Variants in TMEM108 observed in about 807,000 individuals in gnomAD.
The protein encoded by TMEM108 is transmembrane protein 108, also known as cancer/testis antigen 124.
Under a neutral mutation model 35.1 loss-of-function variants are expected in TMEM108, and 12 were observed. The ratio of observed to expected loss-of-function variants is 0.34; its 90% confidence interval spans 0.22 to 0.55. The LOEUF (loss-of-function observed/expected upper bound fraction) is 0.55. TMEM108 is among the 20% of genes least tolerant of loss of function. The pLI is 0.89. For missense variants in TMEM108, 680 were observed against 753.3 expected (o/e 0.90, Z 1.14); for synonymous variants, 287 against 308.6 (o/e 0.93, Z 0.73).
chr3:133,092,459 A>C (rs1943960424), intron 2 of TMEM108, among the ~76,000 whole-genome samples: 1 of 149,814 alleles, frequency 6.7e-6, no homozygotes, highest in African/African-American at 2.4e-5. Flanking sequence ...TTAAAATATT[A>C]TAATAACTCA....
intron 3 of TMEM108, among the ~76,000 whole-genome samples, chr3:133,241,302 T>C (rs1410408879): frequency 6.6e-6 from 1 of 152,254 alleles, no homozygotes; most frequent in African/African-American, 2.4e-5. Context: ...TTGCAGCATC[T>C]TCTTTCTTTT....
intron 2 of TMEM108, among the ~76,000 whole-genome samples, chr3:133,171,297 A>G (rs544590024): frequency 9.8e-4 from 149 of 152,326 alleles, no homozygotes; most frequent in Middle Eastern, 3.4e-3. Context: ...AATAATATAA[A>G]CAAGTTTTAT....
chr3:133,226,616 C>T (rs6791152), intron 2 of TMEM108, among the ~76,000 whole-genome samples: 67,880 of 151,874 alleles, frequency 0.45, 16,424 homozygotes, highest in African/African-American at 0.65. Context: ...CCCCACTTCC[C>T]ATCATGGCCT....
At chr3:133,323,902 G>A (rs535608888) in intron 3 of TMEM108, among the ~76,000 whole-genome samples, 2 of 152,166 alleles carry the variant, frequency 1.3e-5, no homozygotes, top group South Asian at 2.1e-4. Context: ...CTTCAACACA[G>A]CAAACAAAAA....
intron 2 of TMEM108, among the ~76,000 whole-genome samples, 167 bp downstream of exon 2, chr3:133,046,187 T>C (rs765717526): frequency 1.1e-4 from 17 of 152,306 alleles, no homozygotes; most frequent in East Asian, 1.9e-4. Flanking sequence ...TCAGCAGTTA[T>C]GAAGAGAAAA....
In TMEM108 at chr3:133,251,058, A is replaced by G. The variant is rs953243782; in HGVS notation, c.40+21707A>G. Among the ~76,000 whole-genome samples, 3 of 152,298 alleles carry G rather than the reference A, an allele frequency of 2.0e-5. No individual in the cohort carries two copies. In the East Asian group the frequency reaches 5.8e-4, roughly 29 times the overall value. On this transcript the variant is annotated intron_variant, in intron 3 of 5. Transcript: ENST00000321871. ...TTTGACTCATATAGCTTTGCTGGGT[A>G]GTCTGGGCTGGTGAACTTTCCTAGG...
intron 3 of TMEM108, among the ~76,000 whole-genome samples, chr3:133,359,979 T>C (rs77109395): frequency 1.4e-3 from 187 of 136,070 alleles, no homozygotes; most frequent in African/African-American, 5.0e-3. Context: ...ATTGGTCATA[T>C]CCCTGTAATG....
chr3:133,379,632 T>C, intron 3 of TMEM108, 120 bp from the exon 4 acceptor site: 1 of 982,420 alleles, frequency 1.0e-6, no homozygotes, highest in Non-Finnish European at 1.5e-6. Flanking sequence ...TAGTGTGGGC[T>C]CAGGAATGCT....
At chr3:133,046,179 A>G (rs545352385) in intron 2 of TMEM108, among the ~76,000 whole-genome samples, 159 bp downstream of exon 2, 1 of 152,364 alleles carries the variant, frequency 6.6e-6, no homozygotes, top group East Asian at 1.9e-4. Context: ...CATGCAAATC[A>G]GCAGTTATGA....
chr3:133,299,482 G>A (rs1290813522), intron 3 of TMEM108, among the ~76,000 whole-genome samples: 4 of 152,206 alleles, frequency 2.6e-5, no homozygotes, highest in Middle Eastern at 3.4e-3. Context: ...TGTTTGCATG[G>A]CAAGCATAGG....
At chr3:133,291,548 G>A (rs1947069188) in intron 3 of TMEM108, among the ~76,000 whole-genome samples, 1 of 152,064 alleles carries the variant, frequency 6.6e-6, no homozygotes, top group African/African-American at 2.4e-5. Flanking sequence ...AAAGTGCTGG[G>A]ATTACAGGCG....
intron 3 of TMEM108, chr3:133,247,738 TTTTATA>T (rs1946407770): frequency 6.6e-6 from 1 of 152,164 alleles, no homozygotes; most frequent in African/African-American, 2.4e-5. Context: ...TTCAACACAC[TTTTATA>T]AAGAATCTAC....
At chr3:133,326,791 T>C (rs900034466) in intron 3 of TMEM108, among the ~76,000 whole-genome samples, 2 of 152,210 alleles carry the variant, frequency 1.3e-5, no homozygotes, top group Admixed American at 1.3e-4. Context: ...TCTGTCTTCA[T>C]CGATTACTAA....
At chr3:133,168,780 C>T (rs1945083213) in intron 2 of TMEM108, among the ~76,000 whole-genome samples, 1 of 152,192 alleles carries the variant, frequency 6.6e-6, no homozygotes, top group South Asian at 2.1e-4. Context: ...ATTGCTGCTG[C>T]TCACTCTTTG....
At position 133,272,074 on chromosome 3, in the gene TMEM108, A is replaced by C. The variant is rs554551945; in HGVS notation, c.40+42723A>C. On this transcript the variant is annotated intron_variant, in intron 3 of 5. Transcript: ENST00000321871. ...GGCCTCTTAGAGGAGTTAACAGCTGAGCTTTGTGCCTCACAGTTTCCTTAA... is the reference window on the plus strand; with the variant it reads ...GGCCTCTTAGAGGAGTTAACAGCTGCGCTTTGTGCCTCACAGTTTCCTTAA... Among the ~76,000 whole-genome samples the C allele has an allele frequency of 5.3e-5, 8 of 152,334 alleles. No individual in the cohort carries two copies. In the South Asian group the frequency reaches 1.7e-3, roughly 32 times the overall value.
At chr3:133,045,798 A>C (rs567363536) in intron 1 of TMEM108, 104 bp from the exon 2 acceptor site, 32 of 152,714 alleles carry the variant, frequency 2.1e-4, no homozygotes, top group African/African-American at 7.2e-4. Context: ...GCTATTATAC[A>C]TGTTTGGGTA....
intron 3 of TMEM108, among the ~76,000 whole-genome samples, chr3:133,377,713 A>G (rs1388577547): frequency 2.0e-5 from 3 of 152,336 alleles, no homozygotes; most frequent in African/African-American, 4.8e-5. Flanking sequence ...GGGGTCCCCA[A>G]CCACTGGGTC....
chr3:133,160,557 G>T (rs1332564779), intron 2 of TMEM108, among the ~76,000 whole-genome samples: 1 of 152,190 alleles, frequency 6.6e-6, no homozygotes, highest in Admixed American at 6.5e-5. Flanking sequence ...TTGCAATAGG[G>T]CATAGCCAGG....
At chr3:133,056,514 C>T (rs1298863700) in intron 2 of TMEM108, among the ~76,000 whole-genome samples, 3 of 152,144 alleles carry the variant, frequency 2.0e-5, no homozygotes, top group Non-Finnish European at 4.4e-5. Context: ...GGGAACTGTC[C>T]TGCCCAGGTT....
Sources: gnomAD v4.1 joint callset for allele counts (sites outside exome capture counted in the v4.1 genomes callset) on GRCh38, gnomAD v4.1.1 for gene constraint, MANE v1.5 for transcripts, NCBI Gene and HGNC (gene_info 2026-07-23, HGNC 2026-07-21) for gene names.